SLC28A3: variants seen among roughly 807,000 people sequenced by gnomAD.
SLC28A3 encodes the protein solute carrier family 28 member 3.
A neutral mutation model predicts 84.2 loss-of-function variants in SLC28A3; 68 were observed. The observed-to-expected ratio is 0.81, with a 90% CI of 0.66 to 0.99. The LOEUF (loss-of-function observed/expected upper bound fraction) is 0.99. Ranked by LOEUF, SLC28A3 falls within the 50% of genes least tolerant of loss-of-function variation. The pLI, the probability that SLC28A3 is intolerant of heterozygous loss-of-function variation, is 0.00. For synonymous variants in SLC28A3, 267 were observed against 303.6 expected (o/e 0.88, Z 1.25); for missense variants, 712 against 841.5 (o/e 0.85, Z 1.90).
chr9:84,354,452 T>C, the SLC28A3 span, among the ~76,000 whole-genome samples: 21 of 152,258 alleles, frequency 1.4e-4, no homozygotes, highest in African/African-American at 4.1e-4. Context: ...CCTAAGTTTA[T>C]AGCCAAAGGA....
Position 84,301,879 on chromosome 9 carries a change from A to G in SLC28A3, c.524+321T>C, listed in dbSNP as rs149984328. ...TATTTCTAACTACTTCCTAATACGT[A>G]GGCATGGAGGTGTCTCTTCCTAATA... On this transcript the variant is annotated intron_variant, in intron 5 of 17. Transcript: ENST00000376238. Among the ~76,000 whole-genome samples the G allele has an allele frequency of 4.0e-3, 616 of 152,340 alleles. 2 individuals are homozygous for G. The highest frequency in any genetic ancestry group is 7.5e-3 in the Non-Finnish European group (508 of 68,034).
intron 1 of SLC28A3, among the ~76,000 whole-genome samples, chr9:84,320,622 C>T (rs1015756867): frequency 6.6e-6 from 1 of 152,154 alleles, no homozygotes; most frequent in Non-Finnish European, 1.5e-5. Context: ...ATTTATTGCA[C>T]ACCTACTATG....
intron 4 of SLC28A3, 98 bp from the exon 5 acceptor site, chr9:84,302,487 T>TG: frequency 9.2e-7 from 1 of 1,084,798 alleles, no homozygotes. Flanking sequence ...GGAGGTTTAA[T>TG]ATCATTAAAT....
rs756777811 is a variant in SLC28A3, at chr9:84,302,319, G to A, written c.405C>T (p.Thr135=). The A allele has an allele frequency of 2.2e-5, 35 of 1,613,974 alleles. No homozygotes were observed. Among genetic ancestry groups the A allele is most frequent in the South Asian group, 8.8e-5 (8 of 91,084 alleles). ...AGACAACAAAGAAGATGGCAGCCACGGTGATCACAAAAAGAGGAAGGGCTC... is the reference window on the plus strand; with the variant it reads ...AGACAACAAAGAAGATGGCAGCCACAGTGATCACAAAAAGAGGAAGGGCTC... ...FHRALPLFVI[T]VAAIFFVVWD... The change falls in exon 5 of 18, where the codon ACC becomes ACT. Residue 135 remains threonine, a synonymous_variant. Coordinates refer to ENST00000376238, the MANE Select transcript of SLC28A3 (RefSeq NM_001199633.2).
At chr9:84,308,094 G>C (rs61328702) in intron 3 of SLC28A3, among the ~76,000 whole-genome samples, 9,244 of 152,162 alleles carry the variant, frequency 0.061, 909 homozygotes, top group African/African-American at 0.2. Context: ...GATATCTTCT[G>C]ATACATATAA....
At chr9:84,328,394 T>C (rs899860152) in intron 1 of SLC28A3, among the ~76,000 whole-genome samples, 4 of 151,818 alleles carry the variant, frequency 2.6e-5, no homozygotes, top group Admixed American at 2.0e-4. Flanking sequence ...CCCAGCACTT[T>C]GGGAGACCAC....
the SLC28A3 span, among the ~76,000 whole-genome samples, chr9:84,368,526 TC>T: frequency 6.6e-6 from 1 of 152,036 alleles, no homozygotes; most frequent in South Asian, 2.1e-4. Flanking sequence ...CCGGACTGGG[TC>T]CTTTCCTTCA....
chr9:84,334,286 G>A (rs565958053), intron 1 of SLC28A3, among the ~76,000 whole-genome samples: 15 of 152,236 alleles, frequency 9.9e-5, no homozygotes, highest in African/African-American at 2.4e-4. Context: ...GCAACAGAGC[G>A]AGACTCTGTC....
chr9:84,351,952 A>G, the SLC28A3 span, among the ~76,000 whole-genome samples: 1 of 152,056 alleles, frequency 6.6e-6, no homozygotes, highest in East Asian at 1.9e-4. Context: ...GCAAGACGCT[A>G]ATGGTGAAAC....
the SLC28A3 span, among the ~76,000 whole-genome samples, chr9:84,361,699 T>C: frequency 2.0e-5 from 3 of 151,376 alleles, no homozygotes; most frequent in Non-Finnish European, 4.4e-5. Context: ...GCCCCTAGGG[T>C]AGATTCCCCC....
At chr9:84,365,346 T>A in the SLC28A3 span, among the ~76,000 whole-genome samples, 1 of 152,282 alleles carries the variant, frequency 6.6e-6, no homozygotes, top group East Asian at 1.9e-4. Context: ...TTCAAATCTT[T>A]TTGCCTAGTT....
intron 2 of SLC28A3, among the ~76,000 whole-genome samples, chr9:84,312,498 G>T (rs1826022815): frequency 6.7e-6 from 1 of 148,826 alleles, no homozygotes; most frequent in African/African-American, 2.5e-5. Flanking sequence ...TTTACCACGA[G>T]AAAACTCCTC....
At chr9:84,280,280 C>T (rs904008500) in intron 15 of SLC28A3, among the ~76,000 whole-genome samples, 7 of 151,958 alleles carry the variant, frequency 4.6e-5, no homozygotes, top group Admixed American at 4.6e-4. Context: ...AGGGAAGAGG[C>T]TTGTTTGCCA....
intron 15 of SLC28A3, 45 bp from the exon 16 acceptor site, chr9:84,280,118 T>C: frequency 6.4e-7 from 1 of 1,570,658 alleles, no homozygotes. Context: ...GTTGAAGTAC[T>C]GATTAAAACT....
At chr9:84,343,383 T>C (rs1827201732), upstream of SLC28A3, among the ~76,000 whole-genome samples, 1 of 152,170 alleles carries the variant, frequency 6.6e-6, no homozygotes, top group Non-Finnish European at 1.5e-5. Context: ...CTGATAGATT[T>C]TGCATATCTC....
intron 11 of SLC28A3, among the ~76,000 whole-genome samples, chr9:84,288,531 C>T (rs1360545403): frequency 6.6e-6 from 1 of 151,874 alleles, no homozygotes; most frequent in Non-Finnish European, 1.5e-5. Context: ...TCAGAGAGCC[C>T]CTAAAGCATG....
intron 1 of SLC28A3, among the ~76,000 whole-genome samples, chr9:84,324,427 C>T (rs550274002): frequency 3.3e-4 from 50 of 152,176 alleles, no homozygotes; most frequent in Admixed American, 1.6e-3. Context: ...GTGGATTGCT[C>T]GAGCTTAGAA....
intron 1 of SLC28A3, among the ~76,000 whole-genome samples, chr9:84,330,711 T>A (rs573219918): frequency 9.6e-4 from 146 of 152,350 alleles, no homozygotes; most frequent in Non-Finnish European, 1.7e-3. Context: ...AGTTGACATG[T>A]ACTATATGTT....
the SLC28A3 span, among the ~76,000 whole-genome samples, chr9:84,352,980 G>A: frequency 1.3e-5 from 2 of 151,226 alleles, no homozygotes; most frequent in Non-Finnish European, 2.9e-5. Flanking sequence ...CTATTGATGA[G>A]GATTATTAGG....
Sources: gnomAD v4.1 joint callset for allele counts (sites outside exome capture counted in the v4.1 genomes callset) on GRCh38, gnomAD v4.1.1 for gene constraint, MANE v1.5 for transcripts, NCBI Gene and HGNC (gene_info 2026-07-23, HGNC 2026-07-21) for gene names.